TM9SF2: variants seen among roughly 807,000 people sequenced by gnomAD.
TM9SF2 encodes transmembrane 9 superfamily member 2, also known as 76 kDa membrane protein.
TM9SF2 carries 13 observed loss-of-function variants against 84.9 expected under a neutral mutation model. The observed-to-expected ratio is 0.15, with a 90% CI of 0.10 to 0.24. The LOEUF is 0.24. TM9SF2 is among the 10% of genes least tolerant of loss of function. The probability of loss-of-function intolerance (pLI) is 1.00; values close to 1 mark genes in which losing one functional copy is unlikely to be tolerated. For synonymous variants in TM9SF2, 273 were observed against 285.8 expected, an observed-to-expected ratio of 0.96 and a Z score of 0.45; for missense variants, 562 against 818.5, an observed-to-expected ratio of 0.69 and a Z score of 3.82.
At chr13:99,504,690 C>G (rs1234018204) in intron 1 of TM9SF2, among the ~76,000 whole-genome samples, 2 of 152,130 alleles carry the variant, frequency 1.3e-5, no homozygotes, top group Non-Finnish European at 2.9e-5. Flanking sequence ...ATATAAAATT[C>G]TATTTATATT....
chr13:99,536,029 T>C (rs2046232476), intron 4 of TM9SF2, among the ~76,000 whole-genome samples: 1 of 152,186 alleles, frequency 6.6e-6, no homozygotes, highest in African/African-American at 2.4e-5. Context: ...TTTAGTTTAA[T>C]GTTTTCCTAT....
chr13:99,521,896 A>G (rs2046162135), intron 3 of TM9SF2, among the ~76,000 whole-genome samples: 1 of 152,138 alleles, frequency 6.6e-6, no homozygotes, highest in South Asian at 2.1e-4. Flanking sequence ...TTATAGAGAC[A>G]GGGTCTCACT....
At position 99,522,943 on chromosome 13, in the gene TM9SF2, G is replaced by T. The variant is rs539440200; in HGVS notation, c.333+2814G>T. ...GAAGTTGAGGTTAAATATAATAAAAGGAGAGCTTTAGAATGGAGAAATTGT... is the reference window on the plus strand; with the variant it reads ...GAAGTTGAGGTTAAATATAATAAAATGAGAGCTTTAGAATGGAGAAATTGT... On this transcript the variant is annotated intron_variant, in intron 3 of 16. Coordinates refer to ENST00000376387, the MANE Select transcript of TM9SF2 (RefSeq NM_004800.3). Among the ~76,000 whole-genome samples the T allele has an allele frequency of 2.6e-5, 4 of 152,286 alleles. No individual in the cohort carries two copies. The East Asian group carries it at 7.7e-4, about 29-fold the overall frequency.
chr13:99,532,372 T>C (rs1242722342), intron 4 of TM9SF2, among the ~76,000 whole-genome samples: 1 of 152,090 alleles, frequency 6.6e-6, no homozygotes, highest in Non-Finnish European at 1.5e-5. Flanking sequence ...TTTTAGCTCT[T>C]TCTTCTACCC....
chr13:99,547,119 C>G lies in TM9SF2; in HGVS notation c.1270+15C>G, dbSNP rs1401465412. 3.7e-6 allele frequency: 6 copies of G among 1,613,626 alleles called. No individual in the cohort carries two copies. The highest frequency in any genetic ancestry group is 5.1e-6 in the Non-Finnish European group (6 of 1,179,628). On this transcript the variant is annotated intron_variant, in intron 11 of 16. Transcript: ENST00000376387. ...ATTCTATAAGTGTAAGTCAAAGCCACTGTGACTGGCGTCTGATCAGGAAGG... is the reference window on the plus strand; with the variant it reads ...ATTCTATAAGTGTAAGTCAAAGCCAGTGTGACTGGCGTCTGATCAGGAAGG...
intron 6 of TM9SF2, among the ~76,000 whole-genome samples, chr13:99,538,250 A>G (rs9585118): frequency 0.17 from 26,402 of 152,128 alleles, 2,484 homozygotes; most frequent in Non-Finnish European, 0.2. Flanking sequence ...AAGTACTGTG[A>G]TTTCTCAAGC....
chr13:99,533,665 G>T (rs1212842919), intron 4 of TM9SF2, among the ~76,000 whole-genome samples: 1 of 151,778 alleles, frequency 6.6e-6, no homozygotes, highest in Non-Finnish European at 1.5e-5. Context: ...TTTTTTATTT[G>T]TTGTTGTTGT....
intron 11 of TM9SF2, 134 bp downstream of exon 11, chr13:99,547,238 G>A: frequency 7.9e-7 from 1 of 1,268,270 alleles, no homozygotes; most frequent in Non-Finnish European, 1.1e-6. Flanking sequence ...GTTAAAAGGA[G>A]CCTGCTTGGT....
intron 1 of TM9SF2, among the ~76,000 whole-genome samples, chr13:99,512,314 A>G (rs775720633): frequency 1.3e-5 from 2 of 152,222 alleles, no homozygotes; most frequent in Non-Finnish European, 2.9e-5. Flanking sequence ...CAGTTCCCAC[A>G]TTCAAAATTA....
At chr13:99,535,653 AT>A (rs1404888227) in intron 4 of TM9SF2, among the ~76,000 whole-genome samples, 1 of 152,232 alleles carries the variant, frequency 6.6e-6, no homozygotes, top group Non-Finnish European at 1.5e-5. Flanking sequence ...TTATTAGGTC[AT>A]TAAGGTACAC....
At chr13:99,523,650 T>C (rs1182204181) in intron 3 of TM9SF2, among the ~76,000 whole-genome samples, 1 of 152,248 alleles carries the variant, frequency 6.6e-6, no homozygotes, top group Non-Finnish European at 1.5e-5. Context: ...AGCACTCATA[T>C]TCATTCACTC....
At chr13:99,536,542 T>A (rs749444799) in intron 4 of TM9SF2, 66 bp from the exon 5 acceptor site, 1 of 1,564,490 alleles carries the variant, frequency 6.4e-7, no homozygotes, top group South Asian at 1.2e-5. Context: ...GACACTGATT[T>A]GGGCAGTAAT....
chr13:99,532,561 G>A (rs1282156526), intron 4 of TM9SF2, among the ~76,000 whole-genome samples: 1 of 151,978 alleles, frequency 6.6e-6, no homozygotes, highest in Non-Finnish European at 1.5e-5. Flanking sequence ...GTGGTGGCAG[G>A]CGCCTGTAAT....
chr13:99,510,917 T>A (rs560283168), intron 1 of TM9SF2, among the ~76,000 whole-genome samples: 3 of 152,364 alleles, frequency 2.0e-5, no homozygotes, highest in Admixed American at 2.0e-4. Context: ...ATTGGCTGAT[T>A]GAGTTTCTCG....
chr13:99,510,947 T>G (rs945297749), intron 1 of TM9SF2, among the ~76,000 whole-genome samples: 2 of 152,364 alleles, frequency 1.3e-5, no homozygotes, highest in Non-Finnish European at 1.5e-5. Flanking sequence ...GGATCTGTTG[T>G]TGTAAATGTT....
At chr13:99,551,699 C>T (rs765630074) in intron 12 of TM9SF2, among the ~76,000 whole-genome samples, 46 of 152,084 alleles carry the variant, frequency 3.0e-4, no homozygotes, top group Non-Finnish European at 2.4e-4. Context: ...TCAAAAAAAG[C>T]CACAGACTGT....
In TM9SF2 at chr13:99,515,447, T is replaced by G. The variant is rs559440113; in HGVS notation, c.172-2167T>G. On this transcript the variant is annotated intron_variant, in intron 1 of 16. Transcript: ENST00000376387. Reference sequence around the variant, plus strand: ...TATCATGTCCTATTACCTTGTTAGCTGTGTTGAAGTCTGTGTTGCTGTTGC... The same window carrying G: ...TATCATGTCCTATTACCTTGTTAGCGGTGTTGAAGTCTGTGTTGCTGTTGC... Among the ~76,000 whole-genome samples the G allele has an allele frequency of 3.2e-4, 48 of 152,364 alleles. 1 individual carries two copies. The South Asian group carries it at 7.5e-3, about 24-fold the overall frequency.
At chr13:99,554,593 G>A in intron 14 of TM9SF2, 138 bp downstream of exon 14, 1 of 925,750 alleles carries the variant, frequency 1.1e-6, no homozygotes, top group East Asian at 2.8e-5. Flanking sequence ...AAAGCCAAAA[G>A]CTTATTTTTA....
At chr13:99,552,665 G>A (rs1421206034) in intron 13 of TM9SF2, among the ~76,000 whole-genome samples, 1 of 152,090 alleles carries the variant, frequency 6.6e-6, no homozygotes, top group Non-Finnish European at 1.5e-5. Context: ...GTGCAGTGGC[G>A]CCATCTCGGC....
Sources: allele counts gnomAD v4.1 joint callset (sites outside exome capture counted in the v4.1 genomes callset), GRCh38; gene constraint gnomAD v4.1.1; transcripts MANE v1.5; gene names NCBI Gene and HGNC (gene_info 2026-07-23, HGNC 2026-07-21).